The following MBOAT7 variants were observed in gnomAD, a reference collection of about 807,000 sequenced individuals.
MBOAT7 encodes the protein membrane bound acylglycerophosphatidylinositol O-acyltransferase MBOAT7.
MBOAT7 carries 40 observed loss-of-function variants against 47.4 expected under a neutral mutation model. That is an observed-to-expected ratio of 0.84 (90% CI 0.66 to 1.10). MBOAT7 has a LOEUF of 1.10. MBOAT7 is among the 50% of genes least tolerant of loss of function. The probability of loss-of-function intolerance (pLI) is 0.00; values close to 1 mark genes in which losing one functional copy is unlikely to be tolerated. For synonymous variants in MBOAT7, 361 were observed against 292.0 expected (o/e 1.24, Z -2.41); for missense variants, 680 against 655.6 (o/e 1.04, Z -0.41).
At chr19:54,182,691 T>G (rs1442159373) in intron 5 of MBOAT7, among the ~76,000 whole-genome samples, 1 of 152,062 alleles carries the variant, frequency 6.6e-6, no homozygotes. Context: ...TATACACACA[T>G]GCACACACAC....
chr19:54,187,756 G>A (rs255784), intron 3 of MBOAT7, among the ~76,000 whole-genome samples: 12 of 152,124 alleles, frequency 7.9e-5, no homozygotes, highest in South Asian at 2.1e-4. Flanking sequence ...GGTGGCTCAC[G>A]CCTGTAATCC....
At chr19:54,187,770 C>T (rs1054021503) in intron 3 of MBOAT7, among the ~76,000 whole-genome samples, 2 of 152,134 alleles carry the variant, frequency 1.3e-5, no homozygotes, top group Non-Finnish European at 2.9e-5. Context: ...GTAATCCCAG[C>T]ACTTTGGAAG....
At chr19:54,175,119 GCGCC>G (rs2076059506) in intron 7 of MBOAT7, among the ~76,000 whole-genome samples, 1 of 151,940 alleles carries the variant, frequency 6.6e-6, no homozygotes, top group African/African-American at 2.4e-5. Flanking sequence ...GGGACTACAG[GCGCC>G]TGCCACCACG....
chr19:54,178,624 G>A (rs2076175484), intron 7 of MBOAT7, 141 bp downstream of exon 7: 5 of 1,438,568 alleles, frequency 3.5e-6, no homozygotes, highest in Non-Finnish European at 4.6e-6. Flanking sequence ...ATTAGAGGCA[G>A]GGCAAAACCA....
intron 4 of MBOAT7, among the ~76,000 whole-genome samples, chr19:54,184,853 A>G (rs945171625): frequency 1.4e-5 from 2 of 148,068 alleles, no homozygotes; most frequent in Non-Finnish European, 3.0e-5. Context: ...GCGGTAAGCC[A>G]AGATCGTACC....
At position 54,188,417 on chromosome 19, in the gene MBOAT7, AG is replaced by A; in HGVS notation, c.76+15del. ...CCCCCCCCTTTATTTTCCACTGGGG[AG>A]GGAGCCTGACTCACCGGCTTTCTTA... On this transcript the variant is annotated intron_variant, in intron 2 of 7. Coordinates refer to ENST00000245615, the MANE Select transcript of MBOAT7 (RefSeq NM_024298.5). 6.4e-7 allele frequency: 1 copy of A among 1,570,184 alleles called. No homozygotes were observed. Among genetic ancestry groups the A allele is most frequent in the Non-Finnish European group, 8.6e-7 (1 of 1,156,642 alleles).
At chr19:54,187,971 T>C (rs1227175305) in intron 3 of MBOAT7, among the ~76,000 whole-genome samples, 2 of 144,404 alleles carry the variant, frequency 1.4e-5, no homozygotes, top group African/African-American at 5.3e-5. Flanking sequence ...GCCAAGATCG[T>C]GCCACTGAAC....
chr19:54,188,932 C>G (rs1488384262), intron 1 of MBOAT7, among the ~76,000 whole-genome samples: 1 of 152,010 alleles, frequency 6.6e-6, no homozygotes, highest in Admixed American at 6.6e-5. Flanking sequence ...GCCCAGGAAT[C>G]TAGACCTCCG....
intron 7 of MBOAT7, 191 bp downstream of exon 7, chr19:54,178,574 G>A (rs1282615485): frequency 4.9e-6 from 7 of 1,426,078 alleles, no homozygotes; most frequent in Admixed American, 3.0e-5. Flanking sequence ...CTGAGGCCCC[G>A]AGAGGGGGAA....
intron 7 of MBOAT7, among the ~76,000 whole-genome samples, chr19:54,174,677 C>G (rs1241038771): frequency 7.0e-6 from 1 of 143,534 alleles, no homozygotes; most frequent in Non-Finnish European, 1.6e-5. Context: ...TCCCTCAGAT[C>G]CAGGAGTCCA....
chr19:54,174,080 GGGCTGGGATGCTGCCTTCCGCC>G lies in MBOAT7; in HGVS notation c.1361_1382del (p.Arg454ProfsTer28), dbSNP rs548203729. 104 of 1,606,656 alleles carry G rather than the reference GGGCTGGGATGCTGCCTTCCGCC, an allele frequency of 6.5e-5. No homozygotes were observed. The African/African-American group carries it at 1.3e-3, about 21-fold the overall frequency. On this transcript the variant is annotated frameshift_variant, in exon 8 of 8. Coordinates refer to ENST00000245615, the MANE Select transcript of MBOAT7 (RefSeq NM_024298.5). LOFTEE classifies it high-confidence loss of function. ...GGAGCTTCTCCGGGGCAAGGCTGGTGGGCTGGGATGCTGCCTTCCGCCGGCTGGGGCTGCCCCCACCTAAAGC... is the reference window on the plus strand; with the variant it reads ...GGAGCTTCTCCGGGGCAAGGCTGGTGGGCTGGGGCTGCCCCCACCTAAAGC...
At chr19:54,175,174 T>A (rs990753529) in intron 7 of MBOAT7, among the ~76,000 whole-genome samples, 1 of 152,078 alleles carries the variant, frequency 6.6e-6, no homozygotes, top group Non-Finnish European at 1.5e-5. Flanking sequence ...GAGACGGGGT[T>A]TCACCGTGTT....
Position 54,188,431 on chromosome 19 carries a change from A to AC in MBOAT7, c.76+1dup. 6.4e-7 allele frequency: 1 copy of AC among 1,563,772 alleles called. No homozygotes were observed. The highest frequency in any genetic ancestry group is 8.7e-7 in the Non-Finnish European group (1 of 1,153,130). On this transcript the variant is annotated splice_donor_variant, in intron 2 of 7. Transcript: ENST00000245615. LOFTEE classifies it high-confidence loss of function. ...TTCCACTGGGGAGGGAGCCTGACTCACCGGCTTTCTTAAAGAGGAAGCCGA... is the reference window on the plus strand; with the variant it reads ...TTCCACTGGGGAGGGAGCCTGACTCACCCGGCTTTCTTAAAGAGGAAGCCGA...
At chr19:54,184,173 T>C (rs1483285750) in intron 4 of MBOAT7, among the ~76,000 whole-genome samples, 1 of 125,206 alleles carries the variant, frequency 8.0e-6, no homozygotes, top group Non-Finnish European at 1.7e-5. Context: ...TTTTTTTTTT[T>C]TTTTTTTTTG....
In MBOAT7 at chr19:54,187,198, G is replaced by T; in HGVS notation, c.296C>A (p.Pro99His). 1 of 1,594,236 alleles carries T rather than the reference G, an allele frequency of 6.3e-7. No homozygotes were observed. Among genetic ancestry groups the T allele is most frequent in the Non-Finnish European group, 8.5e-7 (1 of 1,171,938 alleles). The part of the protein sequence containing the change: ...LSLLGLPTPT[P>H]FTNAVQLLLT... ...CAGCAGCTGGACGGCATTGGTGAAG[G>T]GCGTGGGAGTGGGCAGGCCCAGGAG... Residue 99 changes from proline to histidine, a missense_variant, in exon 4 of 8, where the codon CCC (proline) becomes CAC (histidine). Pro to His is a moderately conservative substitution (Grantham distance 77). Coordinates refer to ENST00000245615, the MANE Select transcript of MBOAT7 (RefSeq NM_024298.5).
chr19:54,188,071 CAA>C lies in MBOAT7; in HGVS notation c.206+144_206+145del, dbSNP rs2076501895. The C allele has an allele frequency of 6.3e-5, 32 of 509,766 alleles. No individual in the cohort carries two copies. The African/African-American group carries it at 6.5e-4, about 10-fold the overall frequency. 31.6% of individuals were successfully genotyped at this position (509,766 alleles called of 1,614,324 possible). On this transcript the variant is annotated intron_variant, in intron 3 of 7. Coordinates refer to ENST00000245615, the MANE Select transcript of MBOAT7 (RefSeq NM_024298.5). ...AAAGAAAGAAAGAAAGAAAGAAAGA[CAA>C]ACAAACAAACATGAAACAGAGAAAT...
intron 5 of MBOAT7, 101 bp from the exon 6 acceptor site, chr19:54,181,234 G>A: frequency 7.3e-7 from 1 of 1,375,142 alleles, no homozygotes; most frequent in Non-Finnish European, 9.5e-7. Flanking sequence ...TGGGAAGAGG[G>A]AGTGAGAGGG....
At chr19:54,183,935 G>C (rs2076357241) in intron 4 of MBOAT7, among the ~76,000 whole-genome samples, 1 of 152,120 alleles carries the variant, frequency 6.6e-6, no homozygotes, top group Non-Finnish European at 1.5e-5. Flanking sequence ...ACACGCTGAG[G>C]ACGCCCAAAC....
At chr19:54,185,944 C>T (rs1371744074) in intron 4 of MBOAT7, among the ~76,000 whole-genome samples, 1 of 152,042 alleles carries the variant, frequency 6.6e-6, no homozygotes, top group Non-Finnish European at 1.5e-5. Flanking sequence ...GATCTACCCG[C>T]GTCAGCCTCC....
Sources: gnomAD v4.1 joint callset for allele counts (sites outside exome capture counted in the v4.1 genomes callset) on GRCh38, gnomAD v4.1.1 for gene constraint, MANE v1.5 for transcripts, NCBI Gene and HGNC (gene_info 2026-07-23, HGNC 2026-07-21) for gene names.